Variants in ZNF282 observed in about 807,000 individuals in gnomAD.
The protein encoded by ZNF282 is HTLV-I U5 repressive element-binding protein 1.
In ZNF282, 30 loss-of-function variants were observed where a neutral mutation model predicts 61.9. That is an observed-to-expected ratio of 0.48 (90% confidence interval 0.36 to 0.66). The LOEUF is 0.66. Among genes scored for constraint, ZNF282 ranks in the 30% least tolerant of loss-of-function variants. ZNF282 has a pLI of 0.00. For synonymous variants in ZNF282, 396 were observed against 405.0 expected, an observed-to-expected ratio of 0.98 and a Z score of 0.27; for missense variants, 788 against 941.4, an observed-to-expected ratio of 0.84 and a Z score of 2.13.
chr7:149,202,780 C>G (rs995545980), intron 2 of ZNF282, among the ~76,000 whole-genome samples: 1 of 152,102 alleles, frequency 6.6e-6, no homozygotes, highest in African/African-American at 2.4e-5. Context: ...TTTTGTATTG[C>G]TTTTTTTGTC....
intron 7 of ZNF282, among the ~76,000 whole-genome samples, chr7:149,218,104 GAAAAA>G (rs553203834): frequency 1.0e-5 from 1 of 96,552 alleles, no homozygotes; most frequent in Non-Finnish European, 2.2e-5. Context: ...CCCTGTCTCA[GAAAAA>G]AAAAAAAAAA....
intron 3 of ZNF282, among the ~76,000 whole-genome samples, 187 bp downstream of exon 3, chr7:149,207,009 A>G (rs1429380988): frequency 2.0e-5 from 3 of 152,220 alleles, no homozygotes; most frequent in Non-Finnish European, 4.4e-5. Flanking sequence ...TTTAAAACCC[A>G]GTAACAGGGC....
intron 3 of ZNF282, 149 bp downstream of exon 3, chr7:149,206,971 G>T (rs956772660): frequency 8.5e-7 from 1 of 1,175,350 alleles, no homozygotes. Context: ...ATGCTAGTAG[G>T]ATAGAACAGT....
chr7:149,224,305 C>G lies in ZNF282; in HGVS notation c.1674C>G (p.His558Gln), dbSNP rs1796322704. ...AGTGCGAGAAGAGCTTCAACTGCCA[C>G]TCGGGCCTCATCCGCCACCAGATGA... Reference protein sequence around the residue: ...CAECEKSFNCHSGLIRHQMTH... With the variant: ...CAECEKSFNCQSGLIRHQMTH... The change falls in exon 8 of 8, where the codon CAC (histidine) becomes CAG (glutamine). Residue 558 changes from histidine to glutamine, a missense_variant. By Grantham distance (24) the His-to-Gln change is conservative. Transcript: ENST00000610704. The G allele has an allele frequency of 6.2e-7, 1 of 1,613,312 alleles. No individual in the cohort carries two copies. The highest frequency in any genetic ancestry group is 1.7e-5 in the Admixed American group (1 of 59,972).
intron 4 of ZNF282, among the ~76,000 whole-genome samples, chr7:149,207,863 T>C (rs1267205078): frequency 6.6e-6 from 1 of 152,246 alleles, no homozygotes; most frequent in Non-Finnish European, 1.5e-5. Context: ...TTGCTTGGCC[T>C]AATGTACAGC....
rs1422758501 is a variant in ZNF282 at position 149,207,933 on chromosome 7, C to T, written c.832+463C>T. 5.3e-5 allele frequency among the ~76,000 whole-genome samples: 8 copies of T among 152,220 alleles called. No homozygotes were observed. In the East Asian group the frequency reaches 1.5e-3, roughly 29 times the overall value. On this transcript the variant is annotated intron_variant, in intron 4 of 7. Transcript: ENST00000610704. ...TCACCTGCAGGCTCGCCCTGCAAGC[C>T]GCTTGCCTCACTCAAGAAGGAATCT...
At chr7:149,209,478 G>A (rs1796048185) in intron 4 of ZNF282, among the ~76,000 whole-genome samples, 1 of 152,172 alleles carries the variant, frequency 6.6e-6, no homozygotes, top group Non-Finnish European at 1.5e-5. Flanking sequence ...AAGGACTGCA[G>A]AAGTTTAAGG....
chr7:149,224,792 G>A lies in ZNF282; in HGVS notation c.*145G>A. 1 of 1,345,404 alleles carries A rather than the reference G, an allele frequency of 7.4e-7. No homozygotes were observed. Among genetic ancestry groups the A allele is most frequent in the African/African-American group, 1.5e-5 (1 of 68,020 alleles). 83.3% of individuals were successfully genotyped at this position (1,345,404 alleles called of 1,614,324 possible). On this transcript the variant is annotated 3_prime_UTR_variant, in exon 8 of 8. Transcript: ENST00000610704. ...TTGGGGGTCCCCCAGGGTGGGGCAG[G>A]GATCCCCCAGATCTGTCTGGTCTGA...
chr7:149,208,546 CATCTT>C (rs1392684425), intron 4 of ZNF282, among the ~76,000 whole-genome samples: 2 of 151,994 alleles, frequency 1.3e-5, no homozygotes, highest in Non-Finnish European at 2.9e-5. Flanking sequence ...TCCTGAAACT[CATCTT>C]AGAATGCAGC....
chr7:149,195,566 C>T lies in ZNF282; in HGVS notation c.-24C>T, dbSNP rs1454378487. 6.2e-7 allele frequency: 1 copy of T among 1,606,122 alleles called. No homozygotes were observed. The highest frequency in any genetic ancestry group is 8.5e-7 in the Non-Finnish European group (1 of 1,176,946). The stretch of plus-strand genomic sequence containing the variant: ...ACGTTCTTCTTCTCCCTGGCCGACC[C>T]GAGCGGGGAACAGCACTCCCAGGAT... On this transcript the variant is annotated 5_prime_UTR_variant, in exon 1 of 8. Transcript: ENST00000610704.
chr7:149,221,613 G>A (rs577574126), intron 7 of ZNF282, among the ~76,000 whole-genome samples: 19 of 152,232 alleles, frequency 1.2e-4, no homozygotes, highest in South Asian at 4.2e-4. Flanking sequence ...AGGCCACAGC[G>A]ATCTCCCGGG....
At chr7:149,212,676 G>T (rs977041646) in intron 6 of ZNF282, among the ~76,000 whole-genome samples, 4 of 152,290 alleles carry the variant, frequency 2.6e-5, no homozygotes, top group Admixed American at 2.6e-4. Context: ...CGTTTCCCGG[G>T]TTTAAGCGAT....
At chr7:149,210,788 C>T in intron 5 of ZNF282, 84 bp downstream of exon 5, 2 of 1,450,966 alleles carry the variant, frequency 1.4e-6, no homozygotes, top group Non-Finnish European at 1.8e-6. Context: ...CCAGAGTTAG[C>T]TGTCACATGT....
intron 2 of ZNF282, among the ~76,000 whole-genome samples, chr7:149,204,466 T>C (rs933385263): frequency 3.1e-4 from 47 of 152,092 alleles, no homozygotes; most frequent in African/African-American, 1.1e-3. Context: ...AGGGAAGGTT[T>C]TTCTGAGGTT....
intron 3 of ZNF282, 54 bp from the exon 4 acceptor site, chr7:149,207,297 T>C: frequency 6.4e-7 from 1 of 1,555,368 alleles, no homozygotes. Context: ...TTCCCCTTGC[T>C]GGATGCGTTG....
At chr7:149,207,531 C>G (rs952597016) in intron 4 of ZNF282, 61 bp downstream of exon 4, 23 of 1,545,670 alleles carry the variant, frequency 1.5e-5, no homozygotes, top group South Asian at 6.0e-5. Flanking sequence ...AGCCGGCTTT[C>G]CGCACACTGC....
intron 7 of ZNF282, among the ~76,000 whole-genome samples, chr7:149,218,001 G>A (rs903288463): frequency 6.6e-6 from 1 of 151,694 alleles, no homozygotes; most frequent in African/African-American, 2.4e-5. Flanking sequence ...CCAGCTGCTC[G>A]GGAGGCTGAG....
At position 149,213,716 on chromosome 7, in the gene ZNF282, C is replaced by A. The variant is rs1304114719; in HGVS notation, c.1082C>A (p.Ala361Glu). 1 of 1,612,738 alleles carries A rather than the reference C, an allele frequency of 6.2e-7. No individual in the cohort carries two copies. The highest frequency in any genetic ancestry group is 1.7e-5 in the Admixed American group (1 of 59,950). ...ATGACAACAGAGTCTCTCATCTCAG[C>A]ACATGACATTTTGTCATGGATCAAG... The part of the protein sequence containing the change: ...TDPNSESLIS[A>E]HDILSWIKQE... The change falls in exon 7 of 8, where the codon GCA becomes GAA. Residue 361 changes from alanine to glutamate, a missense_variant. Ala to Glu is a moderately radical substitution (Grantham distance 107). This residue lies in a region of ZNF282 where 559 missense variants were observed against 642.0 expected (regional missense o/e 0.87). Coordinates refer to ENST00000610704, the MANE Select transcript of ZNF282 (RefSeq NM_003575.4).
chr7:149,207,573 G>A, intron 4 of ZNF282, 103 bp downstream of exon 4: 1 of 1,493,702 alleles, frequency 6.7e-7, no homozygotes, highest in Admixed American at 2.1e-5. Flanking sequence ...GTGCACCATG[G>A]GGCGAGGGTC....
Sources: gnomAD v4.1 joint callset for allele counts (sites outside exome capture counted in the v4.1 genomes callset) on GRCh38, gnomAD v4.1.1 for gene constraint, gnomAD v4.1.1 regional missense constraint, MANE v1.5 for transcripts, NCBI Gene and HGNC (gene_info 2026-07-23, HGNC 2026-07-21) for gene names.